Variants in JADE1 observed in about 807,000 individuals in gnomAD.
JADE1 encodes the protein jade family PHD finger 1.
Under a neutral mutation model 81.8 loss-of-function variants are expected in JADE1, and 14 were observed. That is an observed-to-expected ratio of 0.17 (90% confidence interval 0.11 to 0.27). The LOEUF (loss-of-function observed/expected upper bound fraction) is 0.27, where lower values mean the gene tolerates loss of function less well. Among genes scored for constraint, JADE1 ranks in the 10% least tolerant of loss-of-function variants. The probability of loss-of-function intolerance (pLI) is 1.00; values close to 1 mark genes in which losing one functional copy is unlikely to be tolerated. For missense variants in JADE1, 690 were observed against 1,047.9 expected, an observed-to-expected ratio of 0.66 and a Z score of 4.71; for synonymous variants, 353 against 391.9, an observed-to-expected ratio of 0.90 and a Z score of 1.17.
rs1379979154 is a variant in JADE1 at position 128,874,040 on chromosome 4, C to T, written c.*1778C>T. On this transcript the variant is annotated 3_prime_UTR_variant, in exon 11 of 11. Transcript: ENST00000226319. ...AGAATGATGCAGGTTTTTAGATTGA[C>T]TGACTATTTTTGAGTTATGGGGCTC... The T allele has an allele frequency of 6.6e-6, 1 of 152,578 alleles. No individual in the cohort carries two copies. The highest frequency in any genetic ancestry group is 2.4e-5 in the African/African-American group (1 of 41,434). The allele number at this position is 152,578 out of a possible 1,614,324, so 9.5% of individuals were successfully genotyped here. A position where few individuals can be genotyped will look rare whatever the true frequency, so the allele number is the denominator to read the frequency against.
At chr4:128,835,459 C>T (rs1321775654) in intron 2 of JADE1, among the ~76,000 whole-genome samples, 4 of 152,174 alleles carry the variant, frequency 2.6e-5, no homozygotes, top group African/African-American at 9.7e-5. Context: ...CCAACTCACT[C>T]ATTTGCACTG....
intron 4 of JADE1, among the ~76,000 whole-genome samples, chr4:128,848,215 G>A (rs1730033688): frequency 6.6e-6 from 1 of 152,102 alleles, no homozygotes; most frequent in Non-Finnish European, 1.5e-5. Flanking sequence ...GTCTCACTCT[G>A]TTGCCCAGGC....
At chr4:128,825,472 A>G (rs551344643) in intron 1 of JADE1, among the ~76,000 whole-genome samples, 18 of 152,278 alleles carry the variant, frequency 1.2e-4, no homozygotes, top group African/African-American at 4.3e-4. Flanking sequence ...CACCCTAGGG[A>G]TGGGTTCCTT....
intron 6 of JADE1, among the ~76,000 whole-genome samples, chr4:128,854,502 C>A (rs1406767191): frequency 6.6e-6 from 1 of 152,094 alleles, no homozygotes; most frequent in Non-Finnish European, 1.5e-5. Context: ...AGTAAGTCTG[C>A]GTTGACGGTA....
At chr4:128,815,153 G>A (rs1435610238) in intron 1 of JADE1, among the ~76,000 whole-genome samples, 1 of 144,282 alleles carries the variant, frequency 6.9e-6, no homozygotes, top group African/African-American at 2.9e-5. Context: ...TGTAAGCTCC[G>A]CCTCCCTGTA....
chr4:128,840,213 T>C (rs993299961), intron 2 of JADE1, among the ~76,000 whole-genome samples: 3 of 152,240 alleles, frequency 2.0e-5, no homozygotes, highest in African/African-American at 7.2e-5. Context: ...AGCTGCAAGC[T>C]TCCTGGGAAC....
At chr4:128,821,330 T>C (rs1394379889) in intron 1 of JADE1, among the ~76,000 whole-genome samples, 2 of 152,182 alleles carry the variant, frequency 1.3e-5, no homozygotes, top group Non-Finnish European at 1.5e-5. Flanking sequence ...TCTGAAGATA[T>C]GTGCCTGGGG....
At chr4:128,828,843 C>T (rs1344020471) in intron 1 of JADE1, among the ~76,000 whole-genome samples, 2 of 152,002 alleles carry the variant, frequency 1.3e-5, no homozygotes, top group Non-Finnish European at 2.9e-5. Context: ...TAGGGGTCTC[C>T]CTGTGTTGCC....
intron 1 of JADE1, chr4:128,827,943 T>C (rs1728214995): frequency 2.1e-5 from 20 of 961,390 alleles, no homozygotes; most frequent in Non-Finnish European, 2.4e-5. Context: ...CATGCCCCTT[T>C]TTCTGGCTAC....
intron 8 of JADE1, 69 bp from the exon 9 acceptor site, chr4:128,861,635 C>A: frequency 6.5e-7 from 1 of 1,538,832 alleles, no homozygotes; most frequent in Non-Finnish European, 8.9e-7. Context: ...GGGTGCCTAG[C>A]ACTGCAGGCC....
chr4:128,841,877 T>C (rs538057023), intron 2 of JADE1, among the ~76,000 whole-genome samples: 19 of 152,190 alleles, frequency 1.2e-4, no homozygotes, highest in Admixed American at 5.9e-4. Context: ...GAGGGAGTAT[T>C]TCAGGCAGGA....
intron 8 of JADE1, among the ~76,000 whole-genome samples, chr4:128,859,658 C>T (rs1460778248): frequency 6.6e-6 from 1 of 152,214 alleles, no homozygotes; most frequent in Admixed American, 6.5e-5. Context: ...CAGCAGACCA[C>T]ATTCCCCGGT....
At chr4:128,868,003 A>G (rs1181220577) in intron 10 of JADE1, 30 bp downstream of exon 10, 3 of 1,233,608 alleles carry the variant, frequency 2.4e-6, no homozygotes, top group Admixed American at 3.4e-5. Context: ...AGGTCAAAGT[A>G]TAGGGCAGGG....
At chr4:128,857,240 G>T (rs1730872396) in intron 7 of JADE1, 98 bp from the exon 8 acceptor site, 3 of 921,050 alleles carry the variant, frequency 3.3e-6, no homozygotes, top group Admixed American at 1.8e-5. Flanking sequence ...TGTCTGGTAG[G>T]AGAGATGTAG....
At chr4:128,827,017 G>C (rs1055641302) in intron 1 of JADE1, among the ~76,000 whole-genome samples, 1 of 152,140 alleles carries the variant, frequency 6.6e-6, no homozygotes, top group Admixed American at 6.5e-5. Context: ...CTGTCTTCAA[G>C]AATAATCCTA....
At chr4:128,829,691 GA>G (rs1222187438) in intron 1 of JADE1, among the ~76,000 whole-genome samples, 1 of 152,126 alleles carries the variant, frequency 6.6e-6, no homozygotes, top group Non-Finnish European at 1.5e-5. Context: ...TCACCGAAGA[GA>G]AAAAACCCAA....
intron 1 of JADE1, among the ~76,000 whole-genome samples, chr4:128,815,316 G>T (rs1361705652): frequency 6.6e-6 from 1 of 152,054 alleles, no homozygotes; most frequent in Non-Finnish European, 1.5e-5. Flanking sequence ...TAGCCAGGAT[G>T]GTCTCGATCT....
chr4:128,852,574 T>G (rs991729965), intron 6 of JADE1, among the ~76,000 whole-genome samples: 2 of 152,228 alleles, frequency 1.3e-5, no homozygotes, highest in Non-Finnish European at 2.9e-5. Flanking sequence ...TCTGTCCTAC[T>G]GTAACACTTA....
chr4:128,859,109 T>C (rs569639032), intron 8 of JADE1, among the ~76,000 whole-genome samples: 1 of 151,946 alleles, frequency 6.6e-6, no homozygotes, highest in South Asian at 2.1e-4. Context: ...CCGAGTTGGA[T>C]TGGGGAAGGA....
Sources: gnomAD v4.1 joint callset for allele counts (sites outside exome capture counted in the v4.1 genomes callset) on GRCh38, gnomAD v4.1.1 for gene constraint, MANE v1.5 for transcripts, NCBI Gene and HGNC (gene_info 2026-07-23, HGNC 2026-07-21) for gene names.